The following PAG1 variants were observed in gnomAD, a reference collection of about 807,000 sequenced individuals.
The protein encoded by PAG1 is phosphoprotein membrane anchor with glycosphingolipid microdomains 1.
Under a neutral mutation model 31.7 loss-of-function variants are expected in PAG1, and 23 were observed. The ratio of observed to expected loss-of-function variants is 0.73; its 90% CI spans 0.52 to 1.03. PAG1 has a LOEUF of 1.03. Among genes scored for constraint, PAG1 ranks in the 50% least tolerant of loss-of-function variants. The pLI, the probability that PAG1 is intolerant of heterozygous loss-of-function variation, is 0.00. For synonymous variants in PAG1, 214 were observed against 210.3 expected (o/e 1.02, Z -0.15); for missense variants, 473 against 540.7 (o/e 0.87, Z 1.24).
intron 1 of PAG1, among the ~76,000 whole-genome samples, chr8:81,073,580 G>A (rs1453496007): frequency 6.6e-6 from 1 of 152,096 alleles, no homozygotes; most frequent in African/African-American, 2.4e-5. Flanking sequence ...CTTCCTAGTT[G>A]GCTTTTTCTG....
intron 1 of PAG1, among the ~76,000 whole-genome samples, chr8:81,106,938 G>A (rs987303383): frequency 6.6e-6 from 1 of 152,174 alleles, no homozygotes; most frequent in Non-Finnish European, 1.5e-5. Flanking sequence ...TGACACTGCT[G>A]TAGTAATGTG....
chr8:81,086,506 C>T (rs113902070), intron 1 of PAG1, among the ~76,000 whole-genome samples: 19 of 148,156 alleles, frequency 1.3e-4, no homozygotes, highest in East Asian at 3.9e-4. Flanking sequence ...TGTGTGTGTG[C>T]GCGCGCGTGT....
At chr8:81,026,505 C>T (rs916442840) in intron 3 of PAG1, among the ~76,000 whole-genome samples, 6 of 150,694 alleles carry the variant, frequency 4.0e-5, no homozygotes, top group Admixed American at 1.3e-4. Context: ...CATCCTCCCC[C>T]GAGCCACGAT....
At chr8:81,058,827 T>A (rs2130913751) in intron 2 of PAG1, 1 of 151,512 alleles carries the variant, frequency 6.6e-6, no homozygotes, top group East Asian at 1.9e-4. Context: ...AGCCTAGGAG[T>A]TGGAGGCTGC....
At position 80,993,287 on chromosome 8, in the gene PAG1, A is replaced by G. The variant is rs1807597442; in HGVS notation, c.-60T>C. 1.3e-6 allele frequency: 2 copies of G among 1,537,138 alleles called. No homozygotes were observed. Among genetic ancestry groups the G allele is most frequent in the Admixed American group, 1.8e-5 (1 of 56,668 alleles). On this transcript the variant is annotated 5_prime_UTR_variant, in exon 4 of 9. An upstream start codon of the reference 5' UTR is lost. Transcript: ENST00000220597. ...CAGTCAGTCCTTCAAAGGTGGTGAC[A>G]TGGAGGCAGAGAGCTGTGTCCTGCA...
At chr8:81,087,778 G>T (rs1362906102) in intron 1 of PAG1, among the ~76,000 whole-genome samples, 1 of 152,176 alleles carries the variant, frequency 6.6e-6, no homozygotes, top group African/African-American at 2.4e-5. Flanking sequence ...ACCCTCGGCT[G>T]CAAGGCTACA....
intron 1 of PAG1, among the ~76,000 whole-genome samples, chr8:81,096,906 C>T (rs984947844): frequency 7.9e-5 from 12 of 152,190 alleles, no homozygotes; most frequent in Non-Finnish European, 1.8e-4. Flanking sequence ...GTCACACCAG[C>T]CAGGTGGGCA....
intron 3 of PAG1, among the ~76,000 whole-genome samples, chr8:81,017,923 G>A (rs1306417397): frequency 6.6e-6 from 1 of 152,160 alleles, no homozygotes; most frequent in Non-Finnish European, 1.5e-5. Context: ...GCCTCTACTA[G>A]TCAAATAATT....
intron 3 of PAG1, among the ~76,000 whole-genome samples, chr8:81,029,448 TC>T (rs1476006955): frequency 6.6e-6 from 1 of 151,736 alleles, no homozygotes; most frequent in East Asian, 1.9e-4. Flanking sequence ...CATGAAGCAT[TC>T]CTCACAAACC....
At position 80,976,789 on chromosome 8, in the gene PAG1, G is replaced by C. The variant is rs1260877390; in HGVS notation, c.1054C>G (p.Pro352Ala). The part of the protein sequence containing the change: ...TSIQGDPQRS[P>A]SSCNDLYATV... ...GCATAGAGATCATTACAGGAGGAGG[G>C]TGACCTCTGTGGGTCCCCTTGAATG... The change falls in exon 9 of 9, where the codon CCC (proline) becomes GCC (alanine). Residue 352 changes from proline (P) to alanine (A), a missense_variant. Transcript: ENST00000220597. 6.2e-7 allele frequency: 1 copy of C among 1,614,168 alleles called. No individual in the cohort carries two copies. The highest frequency in any genetic ancestry group is 1.1e-5 in the South Asian group (1 of 91,078).
At chr8:81,086,387 CATCT>C (rs1350923314) in intron 1 of PAG1, among the ~76,000 whole-genome samples, 3 of 151,972 alleles carry the variant, frequency 2.0e-5, no homozygotes, top group Non-Finnish European at 4.4e-5. Context: ...AAAAAGAAGT[CATCT>C]ATCTAGTTCA....
At chr8:81,065,228 A>G (rs560696005) in intron 2 of PAG1, among the ~76,000 whole-genome samples, 2 of 152,366 alleles carry the variant, frequency 1.3e-5, no homozygotes, top group Admixed American at 1.3e-4. Flanking sequence ...GTTTTCACAG[A>G]GAAGTCACAG....
chr8:81,004,273 T>C (rs1807836769), intron 3 of PAG1, among the ~76,000 whole-genome samples: 1 of 152,282 alleles, frequency 6.6e-6, no homozygotes, highest in East Asian at 1.9e-4. Flanking sequence ...TCCATTTAAT[T>C]TCTAATCTCA....
At chr8:81,075,422 C>T (rs2130990771) in intron 1 of PAG1, among the ~76,000 whole-genome samples, 1 of 152,300 alleles carries the variant, frequency 6.6e-6, no homozygotes, top group African/African-American at 2.4e-5. Context: ...TTTTCATGAA[C>T]CCAGACACTA....
At chr8:81,102,642 A>G (rs1186035460) in intron 1 of PAG1, among the ~76,000 whole-genome samples, 2 of 152,198 alleles carry the variant, frequency 1.3e-5, no homozygotes, top group Non-Finnish European at 2.9e-5. Context: ...TGATTCTAAT[A>G]TTACTGTATA....
chr8:81,011,312 G>A (rs1253414934), intron 3 of PAG1, among the ~76,000 whole-genome samples: 1 of 152,188 alleles, frequency 6.6e-6, no homozygotes, highest in African/African-American at 2.4e-5. Flanking sequence ...AATCATGGGA[G>A]TGGTTTCCCC....
intron 3 of PAG1, among the ~76,000 whole-genome samples, chr8:80,993,820 G>A (rs965489436): frequency 1.1e-4 from 16 of 151,380 alleles, no homozygotes; most frequent in Non-Finnish European, 4.4e-5. Context: ...TGCCTACACT[G>A]GTCTTGGACT....
intron 3 of PAG1, among the ~76,000 whole-genome samples, chr8:81,014,388 C>G (rs1353991392): frequency 6.6e-6 from 1 of 152,148 alleles, no homozygotes; most frequent in African/African-American, 2.4e-5. Flanking sequence ...ACTGAGAGTT[C>G]AAAACAAACT....
intron 3 of PAG1, among the ~76,000 whole-genome samples, chr8:81,024,487 A>G (rs965922311): frequency 1.4e-4 from 21 of 152,230 alleles, no homozygotes; most frequent in African/African-American, 3.6e-4. Context: ...GGGCTACAAC[A>G]TGTAATGGTT....
Sources: gnomAD v4.1 joint callset for allele counts (sites outside exome capture counted in the v4.1 genomes callset) on GRCh38, gnomAD v4.1.1 for gene constraint, MANE v1.5 for transcripts, NCBI Gene and HGNC (gene_info 2026-07-23, HGNC 2026-07-21) for gene names.